The following EYA1 variants were observed in gnomAD, a reference collection of about 807,000 sequenced individuals.
EYA1 encodes protein phosphatase EYA1.
Under a neutral mutation model 82.0 loss-of-function variants are expected in EYA1, and 16 were observed. That is an observed-to-expected ratio of 0.20 (90% CI 0.13 to 0.30). The LOEUF (loss-of-function observed/expected upper bound fraction) is 0.30, where lower values mean the gene tolerates loss of function less well. EYA1 is among the 10% of genes least tolerant of loss of function. The probability of loss-of-function intolerance (pLI) is 1.00; values close to 1 mark genes in which losing one functional copy is unlikely to be tolerated. For missense variants in EYA1, 633 were observed against 730.7 expected (o/e 0.87, Z 1.54); for synonymous variants, 261 against 264.4 (o/e 0.99, Z 0.12).
chr8:71,461,431 A>G (rs1377440140), intron 2 of EYA1, among the ~76,000 whole-genome samples: 1 of 152,140 alleles, frequency 6.6e-6, no homozygotes, highest in Non-Finnish European at 1.5e-5. Context: ...GGCACACCAC[A>G]AGCAGCTTCC....
At position 71,334,264 on chromosome 8, in the gene EYA1, AG is replaced by A. The variant is rs1369596942; in HGVS notation, c.125-91del. 3.9e-6 allele frequency: 4 copies of A among 1,029,450 alleles called. No individual in the cohort carries two copies. The African/African-American group carries it at 6.3e-5, about 16-fold the overall frequency. The allele number at this position is 1,029,450 out of a possible 1,614,324, so 63.8% of individuals were successfully genotyped here. A position where few individuals can be genotyped will look rare whatever the true frequency, so the allele number is the denominator to read the frequency against. ...AGATATAACATTCAGAGTAATGACA[AG>A]AAAATCATTTCAAAAAACATTTTCC... On this transcript the variant is annotated intron_variant, in intron 3 of 17. Transcript: ENST00000340726.
chr8:71,350,526 T>A (rs981991604), intron 3 of EYA1, among the ~76,000 whole-genome samples: 2 of 152,174 alleles, frequency 1.3e-5, no homozygotes, highest in African/African-American at 4.8e-5. Flanking sequence ...AAATCTGATA[T>A]ACCAATTCAA....
At position 71,321,777 on chromosome 8, in the gene EYA1, G is replaced by A. The variant is rs754774629; in HGVS notation, c.375C>T (p.Ala125=). Residue 125 remains alanine, a synonymous_variant, in exon 6 of 18, where the codon GCC becomes GCT. Coordinates refer to ENST00000340726, the MANE Select transcript of EYA1 (RefSeq NM_000503.6). ...TTGMQQATAY[A]TYPQPGQPYG... is the part of the protein sequence containing the mutation. The stretch of plus-strand genomic sequence containing the variant: ...ACGGCTGTCCTGGCTGTGGGTACGT[G>A]GCATAGGCTGTAGCTTGTTGCATTC... 1.9e-6 allele frequency: 3 copies of A among 1,614,190 alleles called. No individual in the cohort carries two copies. The highest frequency in any genetic ancestry group is 2.5e-6 in the Non-Finnish European group (3 of 1,180,042).
chr8:71,466,441 T>C (rs939927246), intron 2 of EYA1, among the ~76,000 whole-genome samples: 2 of 152,064 alleles, frequency 1.3e-5, no homozygotes, highest in Non-Finnish European at 2.9e-5. Flanking sequence ...TTAACATGAG[T>C]GATATGAAGT....
chr8:71,527,724 G>A (rs1485246141), intron 2 of EYA1, among the ~76,000 whole-genome samples: 1 of 152,096 alleles, frequency 6.6e-6, no homozygotes, highest in Non-Finnish European at 1.5e-5. Flanking sequence ...AACAATGCAT[G>A]AATCCTCATT....
At chr8:71,337,473 A>C (rs911610109) in intron 3 of EYA1, among the ~76,000 whole-genome samples, 1 of 152,008 alleles carries the variant, frequency 6.6e-6, no homozygotes. Context: ...TTGGCCATGC[A>C]CTCCAGGCCT....
chr8:71,220,296 T>A (rs1420574738), intron 12 of EYA1, among the ~76,000 whole-genome samples: 1 of 152,228 alleles, frequency 6.6e-6, no homozygotes, highest in African/African-American at 2.4e-5. Flanking sequence ...TTTAAGGTGA[T>A]GAAATCATTA....
At chr8:71,476,193 T>A (rs1486584786) in intron 2 of EYA1, among the ~76,000 whole-genome samples, 36 of 152,244 alleles carry the variant, frequency 2.4e-4, no homozygotes, top group Admixed American at 2.4e-3. Context: ...TAATCTATGG[T>A]CTCAATGAGT....
chr8:71,484,527 G>A (rs1226187941), intron 2 of EYA1, among the ~76,000 whole-genome samples: 5 of 152,160 alleles, frequency 3.3e-5, no homozygotes, highest in Admixed American at 6.5e-5. Context: ...CCCTACCTAG[G>A]TATTCAGGTT....
intron 2 of EYA1, among the ~76,000 whole-genome samples, chr8:71,452,600 T>C (rs1217720484): frequency 6.6e-6 from 1 of 152,122 alleles, no homozygotes; most frequent in Admixed American, 6.5e-5. Flanking sequence ...GCAGCAACAG[T>C]TGATGTTCAG....
In EYA1 at chr8:71,541,565, C is replaced by A. The variant is rs555729783; in HGVS notation, c.-72-5717G>T. Among the ~76,000 whole-genome samples, 8 of 152,234 alleles carry A rather than the reference C, an allele frequency of 5.3e-5. No individual in the cohort carries two copies. In the South Asian group the frequency reaches 1.7e-3, roughly 32 times the overall value. On this transcript the variant is annotated intron_variant, in intron 1 of 18. Coordinates refer to the EYA1 transcript ENST00000643681. ...TATATTTTCAAGAACATTAAACCTACAAATTATTTTAATATAGTACTTACT... is the reference window on the plus strand; with the variant it reads ...TATATTTTCAAGAACATTAAACCTAAAAATTATTTTAATATAGTACTTACT...
chr8:71,532,870 A>G (rs1814401612), intron 2 of EYA1, among the ~76,000 whole-genome samples: 1 of 152,256 alleles, frequency 6.6e-6, no homozygotes, highest in African/African-American at 2.4e-5. Flanking sequence ...CAAGGTCCCC[A>G]GAGAAGTATT....
At chr8:71,476,479 T>G (rs973455519) in intron 2 of EYA1, among the ~76,000 whole-genome samples, 2 of 152,104 alleles carry the variant, frequency 1.3e-5, no homozygotes, top group African/African-American at 4.8e-5. Flanking sequence ...AAAAAATTAC[T>G]GATAAGGAAC....
At chr8:71,428,588 C>A (rs1467531032) in intron 2 of EYA1, among the ~76,000 whole-genome samples, 1 of 152,156 alleles carries the variant, frequency 6.6e-6, no homozygotes, top group East Asian at 1.9e-4. Flanking sequence ...AGAACAAGAT[C>A]CTGCTATAGC....
In EYA1 at chr8:71,305,179, G is replaced by A. The variant is rs1420852390; in HGVS notation, c.557-5459C>T. Reference sequence around the variant, plus strand: ...GGAATTCTTTAATCAAAATAATATAGAAGTATTTTCTTTTCTAGAAACAAA... The same window carrying A: ...GGAATTCTTTAATCAAAATAATATAAAAGTATTTTCTTTTCTAGAAACAAA... On this transcript the variant is annotated intron_variant, in intron 7 of 17. Transcript: ENST00000340726. Among the ~76,000 whole-genome samples the A allele has an allele frequency of 1.4e-5, 2 of 142,944 alleles. 1 individual carries two copies. Among genetic ancestry groups the A allele is most frequent in the Non-Finnish European group, 3.2e-5 (2 of 62,914 alleles). 93.8% of individuals were successfully genotyped at this position (142,944 alleles called of 152,430 possible).
At chr8:71,539,292 T>C (rs1814957823) in intron 1 of EYA1, among the ~76,000 whole-genome samples, 1 of 152,206 alleles carries the variant, frequency 6.6e-6, no homozygotes, top group Non-Finnish European at 1.5e-5. Context: ...AATGATAGCC[T>C]GACTCTCCAT....
intron 11 of EYA1, among the ~76,000 whole-genome samples, chr8:71,252,639 A>T (rs1427364321): frequency 6.6e-6 from 1 of 152,190 alleles, no homozygotes; most frequent in Admixed American, 6.5e-5. Flanking sequence ...CCAAGCTTTT[A>T]TCACCAGGAA....
At chr8:71,266,005 T>C (rs1273969406) in intron 11 of EYA1, among the ~76,000 whole-genome samples, 2 of 152,200 alleles carry the variant, frequency 1.3e-5, no homozygotes, top group African/African-American at 4.8e-5. Context: ...TGGGACATTC[T>C]CAAACTTTTT....
chr8:71,520,242 T>G (rs527928964), intron 2 of EYA1, among the ~76,000 whole-genome samples: 1 of 148,898 alleles, frequency 6.7e-6, no homozygotes, highest in Admixed American at 6.7e-5. Flanking sequence ...CAGGAAGTCA[T>G]GCAGTTGAAT....
Sources: gnomAD v4.1 joint callset for allele counts (sites outside exome capture counted in the v4.1 genomes callset) on GRCh38, gnomAD v4.1.1 for gene constraint, MANE v1.5 for transcripts, NCBI Gene and HGNC (gene_info 2026-07-23, HGNC 2026-07-21) for gene names.